Variants in TMTC2 observed in about 807,000 individuals in gnomAD.
The protein encoded by TMTC2 is transmembrane O-mannosyltransferase targeting cadherins 2.
Under a neutral mutation model 82.4 loss-of-function variants are expected in TMTC2, and 43 were observed. The observed-to-expected ratio is 0.52, with a 90% CI of 0.41 to 0.67. The LOEUF (loss-of-function observed/expected upper bound fraction) is 0.67. Among genes scored for constraint, TMTC2 ranks in the 30% least tolerant of loss-of-function variants. The pLI is 0.00. For synonymous variants in TMTC2, 408 were observed against 381.9 expected, an observed-to-expected ratio of 1.07 and a Z score of -0.80; for missense variants, 919 against 1,012.4, an observed-to-expected ratio of 0.91 and a Z score of 1.25.
At chr12:83,106,854 C>T (rs1026633532) in intron 11 of TMTC2, among the ~76,000 whole-genome samples, 2 of 152,118 alleles carry the variant, frequency 1.3e-5, no homozygotes, top group Non-Finnish European at 2.9e-5. Context: ...AAAAATATGG[C>T]CACTGGCAGC....
intron 1 of TMTC2, among the ~76,000 whole-genome samples, chr12:82,754,391 A>G (rs1162036063): frequency 1.3e-5 from 2 of 152,230 alleles, no homozygotes; most frequent in African/African-American, 4.8e-5. Flanking sequence ...TTTATATAAC[A>G]AAACTTTTTA....
intron 1 of TMTC2, among the ~76,000 whole-genome samples, chr12:82,749,037 T>C (rs1028936835): frequency 2.0e-5 from 3 of 152,268 alleles, no homozygotes; most frequent in African/African-American, 7.2e-5. Context: ...TTAAATGATA[T>C]GTTCAGGTTT....
At chr12:83,063,083 AT>A (rs778465089) in intron 11 of TMTC2, among the ~76,000 whole-genome samples, 6 of 151,916 alleles carry the variant, frequency 3.9e-5, no homozygotes, top group East Asian at 1.9e-4. Context: ...CCAGGAAAAT[AT>A]TTTTTATAGA....
chr12:82,984,562 C>A (rs1879073954), intron 7 of TMTC2, among the ~76,000 whole-genome samples: 1 of 152,020 alleles, frequency 6.6e-6, no homozygotes, highest in Non-Finnish European at 1.5e-5. Flanking sequence ...TCTGATTACG[C>A]CTCTAAAAGA....
At chr12:82,816,126 T>C (rs975484243) in intron 1 of TMTC2, among the ~76,000 whole-genome samples, 1 of 151,780 alleles carries the variant, frequency 6.6e-6, no homozygotes, top group Non-Finnish European at 1.5e-5. Flanking sequence ...CAAATTTTTG[T>C]TGAGTCGAAT....
intron 4 of TMTC2, among the ~76,000 whole-genome samples, chr12:82,948,414 A>C (rs576379737): frequency 6.6e-6 from 1 of 152,112 alleles, no homozygotes. Flanking sequence ...TTTTCTTCTA[A>C]TTCTGAAGTA....
chr12:82,751,500 C>T (rs1053796955), intron 1 of TMTC2, among the ~76,000 whole-genome samples: 1 of 151,882 alleles, frequency 6.6e-6, no homozygotes, highest in African/African-American at 2.4e-5. Flanking sequence ...AACAAACCTG[C>T]ACATGGTGCA....
At chr12:83,008,028 C>A (rs1261896357) in intron 8 of TMTC2, among the ~76,000 whole-genome samples, 1 of 152,018 alleles carries the variant, frequency 6.6e-6, no homozygotes, top group African/African-American at 2.4e-5. Flanking sequence ...TTTTTTCCCC[C>A]CTGTTTGGAC....
intron 11 of TMTC2, among the ~76,000 whole-genome samples, chr12:83,099,845 T>C (rs1884154483): frequency 6.6e-6 from 1 of 152,156 alleles, no homozygotes; most frequent in Admixed American, 6.6e-5. Context: ...GTTTGCACAT[T>C]ACTACTGAAT....
At chr12:83,119,629 G>A (rs142667690) in intron 11 of TMTC2, among the ~76,000 whole-genome samples, 416 of 152,204 alleles carry the variant, frequency 2.7e-3, no homozygotes, top group African/African-American at 9.5e-3. Context: ...GTTGTTGGAT[G>A]GAATGTTCTG....
intron 1 of TMTC2, among the ~76,000 whole-genome samples, chr12:82,755,927 C>A (rs2136972860): frequency 6.6e-6 from 1 of 151,862 alleles, no homozygotes; most frequent in African/African-American, 2.4e-5. Flanking sequence ...AAATGCTGTA[C>A]TAGGAAAAAA....
intron 8 of TMTC2, among the ~76,000 whole-genome samples, chr12:82,996,076 T>G (rs1303900402): frequency 3.3e-5 from 5 of 152,238 alleles, no homozygotes; most frequent in Non-Finnish European, 7.3e-5. Context: ...ATTTTTCTTC[T>G]AATACAGTTC....
Position 82,930,497 on chromosome 12 carries a change from G to T in TMTC2, c.1550G>T (p.Arg517Ile). ...SKISEAESAY[R>I]NALYYRSNMA... is the part of the protein sequence containing the mutation. ...ATTTCTGAAGCTGAAAGCGCCTATAGAAATGCTTTGTACTACCGCAGCAAC... is the reference window on the plus strand; with the variant it reads ...ATTTCTGAAGCTGAAAGCGCCTATATAAATGCTTTGTACTACCGCAGCAAC... The change falls in exon 4 of 12, where the codon AGA (arginine) becomes ATA (isoleucine). Residue 517 changes from arginine (R) to isoleucine (I), a missense_variant. Transcript: ENST00000321196. 1 of 1,605,216 alleles carries T rather than the reference G, an allele frequency of 6.2e-7. No homozygotes were observed. Among genetic ancestry groups the T allele is most frequent in the Non-Finnish European group, 8.5e-7 (1 of 1,173,248 alleles).
chr12:83,040,477 C>G (rs759093385), intron 9 of TMTC2, among the ~76,000 whole-genome samples: 8 of 152,100 alleles, frequency 5.3e-5, no homozygotes, highest in Non-Finnish European at 8.8e-5. Flanking sequence ...CCAGACCTCA[C>G]CCTACATGGT....
At chr12:83,117,322 G>T (rs1419195107) in intron 11 of TMTC2, among the ~76,000 whole-genome samples, 1 of 152,114 alleles carries the variant, frequency 6.6e-6, no homozygotes, top group African/African-American at 2.4e-5. Flanking sequence ...AACCGAAAAA[G>T]GAAACTACAG....
intron 1 of TMTC2, among the ~76,000 whole-genome samples, chr12:82,821,881 T>G (rs1592550159): frequency 8.8e-6 from 1 of 113,968 alleles, no homozygotes; most frequent in Non-Finnish European, 1.7e-5. Flanking sequence ...AGAGCAAGAC[T>G]CCGTCTCAAA....
At chr12:82,707,608 T>C (rs1307509653) in intron 1 of TMTC2, among the ~76,000 whole-genome samples, 2 of 152,236 alleles carry the variant, frequency 1.3e-5, no homozygotes, top group African/African-American at 4.8e-5. Flanking sequence ...TGGAGGACTT[T>C]AGGTATCCTG....
intron 3 of TMTC2, among the ~76,000 whole-genome samples, chr12:82,919,890 C>A (rs1484991): frequency 0.66 from 100,118 of 152,070 alleles, 34,655 homozygotes; most frequent in South Asian, 0.82. Flanking sequence ...CTCTCTCAGA[C>A]TGGCATCGTA....
chr12:82,834,301 C>G (rs901767859), intron 1 of TMTC2, among the ~76,000 whole-genome samples: 1 of 152,144 alleles, frequency 6.6e-6, no homozygotes, highest in Admixed American at 6.5e-5. Flanking sequence ...AGGTGCTGTC[C>G]TACAGAGAGA....
Sources: allele counts gnomAD v4.1 joint callset (sites outside exome capture counted in the v4.1 genomes callset), GRCh38; gene constraint gnomAD v4.1.1; transcripts MANE v1.5; gene names NCBI Gene and HGNC (gene_info 2026-07-23, HGNC 2026-07-21).